The following DNAH17 variants were observed in gnomAD, a reference collection of about 807,000 sequenced individuals.
DNAH17 encodes the protein axonemal beta dynein heavy chain 17.
A neutral mutation model predicts 485.6 loss-of-function variants in DNAH17; 376 were observed. The ratio of observed to expected loss-of-function variants is 0.77; its 90% CI spans 0.71 to 0.84. The LOEUF is 0.84. Ranked by LOEUF, DNAH17 falls within the 40% of genes least tolerant of loss-of-function variation. The pLI is 0.00. For synonymous variants in DNAH17, 3,031 were observed against 2,405.9 expected (o/e 1.26, Z -7.60); for missense variants, 6,370 against 5,839.3 (o/e 1.09, Z -2.96).
chr17:78,542,821 C>T (rs1283869475), intron 17 of DNAH17, among the ~76,000 whole-genome samples: 2 of 152,312 alleles, frequency 1.3e-5, no homozygotes, highest in Non-Finnish European at 1.5e-5. Flanking sequence ...TGTGCACGTT[C>T]AAATGGTCCT....
intron 25 of DNAH17, among the ~76,000 whole-genome samples, chr17:78,524,473 T>C (rs566284549): frequency 1.3e-4 from 20 of 152,076 alleles, no homozygotes; most frequent in Admixed American, 3.3e-4. Context: ...CCTGGAGCGA[T>C]TTCTCAGCCC....
Position 78,425,955 on chromosome 17 carries a change from G to C in DNAH17, c.12916-384C>G, listed in dbSNP as rs28427545. On this transcript the variant is annotated intron_variant, in intron 79 of 80. Transcript: ENST00000389840. ...TTATTTTTGTATTTTTAGAGATGGG[G>C]TTTCGCCATGTTGGCCAGGCTGGTC... Among the ~76,000 whole-genome samples the C allele has an allele frequency of 4.1e-3, 621 of 152,092 alleles. 6 individuals are homozygous for C. The highest frequency in any genetic ancestry group is 0.014 in the Middle Eastern group (4 of 294).
Position 78,560,949 on chromosome 17 carries a change from G to A in DNAH17, c.1836-14C>T, listed in dbSNP as rs372495835. ...CCAGACATGACCCTGGAATCAGAGC[G>A]GGAAGGCGAGGCCCCACTGGATATC... On this transcript the variant is annotated splice_polypyrimidine_tract_variant and intron_variant, in intron 12 of 80. Transcript: ENST00000389840. 270 of 1,542,904 alleles carry A rather than the reference G, an allele frequency of 1.7e-4. No individual in the cohort carries two copies. The highest frequency in any genetic ancestry group is 3.3e-4 in the Middle Eastern group (2 of 5,984).
chr17:78,481,042 G>A (rs565196097), intron 48 of DNAH17, among the ~76,000 whole-genome samples: 14 of 151,160 alleles, frequency 9.3e-5, no homozygotes, highest in African/African-American at 2.4e-4. Context: ...TGATGCGCCC[G>A]CCTCAGCCTC....
At chr17:78,453,508 G>A (rs760797599) in intron 64 of DNAH17, 43 bp from the exon 65 acceptor site, 17 of 1,610,858 alleles carry the variant, frequency 1.1e-5, no homozygotes, top group African/African-American at 5.3e-5. Flanking sequence ...AGAGGGCCTC[G>A]TGATGGAACG....
intron 70 of DNAH17, among the ~76,000 whole-genome samples, chr17:78,445,255 G>T (rs1044673098): frequency 1.3e-5 from 2 of 152,078 alleles, no homozygotes; most frequent in South Asian, 4.1e-4. Flanking sequence ...AGGAGAGGTT[G>T]AGGGAGGGAT....
Position 78,441,080 on chromosome 17 carries a change from A to AC in DNAH17, c.11647dup (p.Val3883GlyfsTer2). 1.2e-6 allele frequency: 2 copies of AC among 1,607,330 alleles called. No homozygotes were observed. Among genetic ancestry groups the AC allele is most frequent in the Non-Finnish European group, 1.7e-6 (2 of 1,176,944 alleles). On this transcript the variant is annotated frameshift_variant, in exon 72 of 81. Transcript: ENST00000389840. LOFTEE classifies it high-confidence loss of function. ...GGCTTCCACGTCTTTCAAGGGGTCA[A>AC]CCCCCGGGGAGAGGATGAAGAAGAT...
Position 78,455,814 on chromosome 17 carries a change from C to T in DNAH17, c.10000G>A (p.Glu3334Lys). ...ANRLVGGLAS[E>K]NIRWAESVEN... Reference sequence around the variant, plus strand: ...ACAGACTCAGCCCAGCGGATGTTTTCCGATGCTAATCCCCCGACCAGCCTA... The same window carrying T: ...ACAGACTCAGCCCAGCGGATGTTTTTCGATGCTAATCCCCCGACCAGCCTA... The change falls in exon 63 of 81, where the codon GAA (glutamate) becomes AAA (lysine). Residue 3334 changes from glutamate to lysine, a missense_variant. Glu to Lys is a moderately conservative substitution (Grantham distance 56). Coordinates refer to ENST00000389840, the MANE Select transcript of DNAH17 (RefSeq NM_173628.4). 1 of 1,605,580 alleles carries T rather than the reference C, an allele frequency of 6.2e-7. No homozygotes were observed. Among genetic ancestry groups the T allele is most frequent in the South Asian group, 1.1e-5 (1 of 89,964 alleles).
intron 17 of DNAH17, among the ~76,000 whole-genome samples, chr17:78,543,057 G>A (rs545917263): frequency 3.9e-5 from 6 of 152,334 alleles, no homozygotes; most frequent in African/African-American, 1.2e-4. Context: ...GCTTGGAAGT[G>A]TACAGCAAGG....
At position 78,423,818 on chromosome 17, in the gene DNAH17, T is replaced by G. The variant is rs2086208917; in HGVS notation, c.*88A>C. 1 of 1,496,488 alleles carries G rather than the reference T, an allele frequency of 6.7e-7. No homozygotes were observed. 92.7% of individuals were successfully genotyped at this position (1,496,488 alleles called of 1,614,324 possible). ...AAGAGAACGAAAAACCACCACCAGT[T>G]CCTGTAAAGAATAAGTCACAGGTGC... On this transcript the variant is annotated 3_prime_UTR_variant, in exon 81 of 81. Transcript: ENST00000389840.
At chr17:78,499,883 A>G (rs1280599338) in intron 36 of DNAH17, 2 of 156,748 alleles carry the variant, frequency 1.3e-5, no homozygotes, top group South Asian at 1.9e-4. Context: ...CTGTGAGCCG[A>G]CGATGTCCTG....
At chr17:78,534,077 CA>C (rs761792389) in intron 19 of DNAH17, among the ~76,000 whole-genome samples, 3 of 152,350 alleles carry the variant, frequency 2.0e-5, no homozygotes, top group East Asian at 3.9e-4. Flanking sequence ...TTTGAGATAG[CA>C]AAAGGCTCAT....
In DNAH17 at chr17:78,494,042, T is replaced by C. The variant is rs755339549; in HGVS notation, c.6402A>G (p.Lys2134=). The C allele has an allele frequency of 2.4e-5, 38 of 1,612,026 alleles. No homozygotes were observed. The highest frequency in any genetic ancestry group is 3.1e-5 in the Non-Finnish European group (36 of 1,179,556). The stretch of plus-strand genomic sequence containing the variant: ...CCTGGAGCGGGTGACACACCTGAGA[T>C]TTGCCGCTGCCCGCATTCCCGACGA... ...VFIVGNAGSG[K]SQVLKSLNKT... is the part of the protein sequence containing the mutation. The change falls in exon 41 of 81, where the codon AAA becomes AAG. Residue 2134 remains lysine (K), a synonymous_variant. Transcript: ENST00000389840.
chr17:78,521,912 G>A (rs2090944486), intron 25 of DNAH17, among the ~76,000 whole-genome samples: 3 of 152,158 alleles, frequency 2.0e-5, no homozygotes, highest in Admixed American at 2.0e-4. Context: ...CTTGAACCCA[G>A]GAGACAGAGG....
chr17:78,492,249 G>C (rs889647591), intron 42 of DNAH17, among the ~76,000 whole-genome samples: 1 of 152,102 alleles, frequency 6.6e-6, no homozygotes, highest in Non-Finnish European at 1.5e-5. Flanking sequence ...GCCACCTCCT[G>C]GGGGAAGCTT....
At chr17:78,501,527 T>C (rs941168786) in intron 34 of DNAH17, 183 bp from the exon 35 acceptor site, 2 of 974,202 alleles carry the variant, frequency 2.1e-6, no homozygotes, top group Middle Eastern at 3.3e-4. Context: ...CGCTACAGAA[T>C]GGCACTTCCA....
intron 22 of DNAH17, among the ~76,000 whole-genome samples, chr17:78,527,305 T>TG (rs11392523): frequency 0.13 from 20,046 of 152,050 alleles, 1,720 homozygotes; most frequent in Middle Eastern, 0.22. Context: ...GATGATCACT[T>TG]GGACTAGGAA....
In DNAH17 at chr17:78,475,408, C is replaced by G. The variant is rs187009220; in HGVS notation, c.8381G>C (p.Arg2794Pro). ...CRINRILESP[R>P]GNALLVGVGG... The stretch of plus-strand genomic sequence containing the variant: ...CACCCCCACCAGCAGGGCATTCCCC[C>G]GGGGAGACTCCAGGATGCGATTAAT... The change falls in exon 54 of 81, where the codon CGG becomes CCG. Residue 2794 changes from arginine to proline, a missense_variant. Arg to Pro is a moderately radical substitution (Grantham distance 103, BLOSUM62 -2). Coordinates refer to ENST00000389840, the MANE Select transcript of DNAH17 (RefSeq NM_173628.4). 6.2e-7 allele frequency: 1 copy of G among 1,613,912 alleles called. No individual in the cohort carries two copies. The highest frequency in any genetic ancestry group is 8.5e-7 in the Non-Finnish European group (1 of 1,179,864).
chr17:78,539,890 G>A lies in DNAH17; in HGVS notation c.2533-10C>T, dbSNP rs374195399. On this transcript the variant is annotated splice_polypyrimidine_tract_variant and intron_variant, in intron 17 of 80. Coordinates refer to ENST00000389840, the MANE Select transcript of DNAH17 (RefSeq NM_173628.4). ...ATAGTTCTGCGTTTTCCTGCAAACA[G>A]AAGCGCACAGTTGGGCCTCACTTCA... is the stretch of plus-strand genomic sequence containing the variant. 2.6e-6 allele frequency: 4 copies of A among 1,564,494 alleles called. No homozygotes were observed. Among genetic ancestry groups the A allele is most frequent in the Non-Finnish European group, 3.5e-6 (4 of 1,157,810 alleles).
Sources: gnomAD v4.1 joint callset for allele counts (sites outside exome capture counted in the v4.1 genomes callset) on GRCh38, gnomAD v4.1.1 for gene constraint, MANE v1.5 for transcripts, NCBI Gene and HGNC (gene_info 2026-07-23, HGNC 2026-07-21) for gene names.